ARHGAP8: variants seen among roughly 807,000 people sequenced by gnomAD.
ARHGAP8 encodes the protein Rho GTPase activating protein 8.
Under a neutral mutation model 46.1 loss-of-function variants are expected in ARHGAP8, and 62 were observed. The ratio of observed to expected loss-of-function variants is 1.34; its 90% CI spans 1.10 to 1.66. The LOEUF (loss-of-function observed/expected upper bound fraction) is 1.66. Among genes scored for constraint, ARHGAP8 ranks in the 40% most tolerant of loss-of-function variants. The probability of loss-of-function intolerance (pLI) is 0.00; values close to 1 mark genes in which losing one functional copy is unlikely to be tolerated. For missense variants in ARHGAP8, 923 were observed against 568.4 expected, an observed-to-expected ratio of 1.62 and a Z score of -6.34; for synonymous variants, 375 against 243.1, an observed-to-expected ratio of 1.54 and a Z score of -5.05.
chr22:44,758,315 G>A (rs867741065), intron 1 of ARHGAP8, among the ~76,000 whole-genome samples: 14 of 152,208 alleles, frequency 9.2e-5, no homozygotes, highest in African/African-American at 2.6e-4. Context: ...CCAGCTACTC[G>A]GGAGGCTGAG....
chr22:44,799,737 G>A (rs1344785867), intron 2 of ARHGAP8, among the ~76,000 whole-genome samples: 1 of 151,446 alleles, frequency 6.6e-6, no homozygotes, highest in African/African-American at 2.4e-5. Flanking sequence ...AGAAGCTGTG[G>A]GTTCTGGGAA....
intron 1 of ARHGAP8, among the ~76,000 whole-genome samples, chr22:44,782,339 A>C (rs1322340659): frequency 3.3e-5 from 5 of 152,238 alleles, no homozygotes. Flanking sequence ...TCCATCTCAA[A>C]AAATAAAAAA....
rs558112354 is a variant in ARHGAP8 at position 44,860,234 on chromosome 22, CACGTACATTA to C, written c.981+402_981+411del. On this transcript the variant is annotated intron_variant, in intron 11 of 11. Coordinates refer to ENST00000356099, the MANE Select transcript of ARHGAP8 (RefSeq NM_181335.3). ...CCTGGGGAAGGGATACACCCAGAAC[CACGTACATTA>C]AGTTCCTGTGACTGCATCGTGGGTG... 1.7e-3 allele frequency among the ~76,000 whole-genome samples: 261 copies of C among 152,250 alleles called. 2 individuals carry two copies. Among genetic ancestry groups the C allele is most frequent in the African/African-American group, 6.1e-3 (252 of 41,542 alleles).
intron 4 of ARHGAP8, 128 bp downstream of exon 4, chr22:44,808,566 A>G: frequency 6.7e-7 from 1 of 1,501,048 alleles, no homozygotes; most frequent in Non-Finnish European, 8.9e-7. Context: ...GTGGAGGGTG[A>G]GCAAATGTGG....
At chr22:44,800,420 A>G (rs922448154) in intron 2 of ARHGAP8, among the ~76,000 whole-genome samples, 1 of 151,992 alleles carries the variant, frequency 6.6e-6, no homozygotes, top group Non-Finnish European at 1.5e-5. Context: ...CTGTCTTTTT[A>G]TCTCACTAAG....
At chr22:44,791,675 G>C (rs1927699915) in intron 2 of ARHGAP8, among the ~76,000 whole-genome samples, 1 of 152,146 alleles carries the variant, frequency 6.6e-6, no homozygotes, top group Admixed American at 6.6e-5. Context: ...TTGCACTCCA[G>C]CCTGGGTAAT....
chr22:44,862,346 C>G lies in ARHGAP8; in HGVS notation c.1053C>G (p.Ile351Met). The change falls in exon 12 of 12, where the codon ATC becomes ATG. Residue 351 changes from isoleucine to methionine, a missense_variant. Coordinates refer to ENST00000356099, the MANE Select transcript of ARHGAP8 (RefSeq NM_181335.3). ...NLACVFGLNL[I>M]WPSQGVSSLS... ...CCTGTGTCTTCGGGCTGAATTTGAT[C>G]TGGCCATCCCAGGGGGTCTCCTCCC... 1.2e-6 allele frequency: 2 copies of G among 1,614,080 alleles called. No homozygotes were observed. Among genetic ancestry groups the G allele is most frequent in the Non-Finnish European group, 1.7e-6 (2 of 1,179,948 alleles).
intron 9 of ARHGAP8, 21 bp downstream of exon 9, chr22:44,848,071 T>G (rs1254884644): frequency 3.7e-6 from 6 of 1,603,464 alleles, no homozygotes. Context: ...CCCGCAGTCC[T>G]GAGCCCCGAG....
At chr22:44,861,610 G>GT (rs2070489369) in intron 11 of ARHGAP8, among the ~76,000 whole-genome samples, 1 of 152,174 alleles carries the variant, frequency 6.6e-6, no homozygotes, top group Non-Finnish European at 1.5e-5. Flanking sequence ...TCTGACTGAG[G>GT]TTCCCCCCAG....
chr22:44,820,544 T>C (rs1161723593), intron 5 of ARHGAP8, among the ~76,000 whole-genome samples: 1 of 151,950 alleles, frequency 6.6e-6, no homozygotes, highest in Admixed American at 6.5e-5. Flanking sequence ...GGGCAGGCGG[T>C]GAGGACACTC....
At chr22:44,857,051 T>C (rs1196122393) in intron 10 of ARHGAP8, among the ~76,000 whole-genome samples, 1 of 142,230 alleles carries the variant, frequency 7.0e-6, no homozygotes, top group Non-Finnish European at 1.5e-5. Context: ...AATGACTCTG[T>C]TGCCTCAGCC....
At chr22:44,775,011 T>A (rs1926320777) in intron 1 of ARHGAP8, among the ~76,000 whole-genome samples, 1 of 152,010 alleles carries the variant, frequency 6.6e-6, no homozygotes. Flanking sequence ...TTTGTATTTT[T>A]AGTAGAGACA....
intron 3 of ARHGAP8, among the ~76,000 whole-genome samples, chr22:44,802,772 T>C (rs1482936700): frequency 6.6e-6 from 1 of 152,142 alleles, no homozygotes; most frequent in Non-Finnish European, 1.5e-5. Flanking sequence ...ACCTCATTCC[T>C]ATCTCTGCCT....
At chr22:44,847,943 G>C (rs1355358088) in intron 8 of ARHGAP8, 30 bp from the exon 9 acceptor site, 1 of 1,604,438 alleles carries the variant, frequency 6.2e-7, no homozygotes, top group East Asian at 2.2e-5. Context: ...GCTGGGACCT[G>C]TGAGATGCCT....
At chr22:44,788,778 G>A (rs578000814) in intron 2 of ARHGAP8, among the ~76,000 whole-genome samples, 2 of 152,218 alleles carry the variant, frequency 1.3e-5, no homozygotes, top group South Asian at 2.1e-4. Context: ...GATACAATCC[G>A]CTTAAAAAGA....
In ARHGAP8 at chr22:44,862,331, C is replaced by T. The variant is rs199552344; in HGVS notation, c.1038C>T (p.Phe346=). Residue 346 remains phenylalanine (F), a synonymous_variant, in exon 12 of 12, where the codon TTC becomes TTT. Transcript: ENST00000356099. ...ACAGCTCTAACCTGGCCTGTGTCTT[C>T]GGGCTGAATTTGATCTGGCCATCCC... ...KMNSSNLACV[F]GLNLIWPSQG... is the part of the protein sequence containing the mutation. 4.8e-5 allele frequency: 78 copies of T among 1,613,698 alleles called. No individual in the cohort carries two copies. The East Asian group carries it at 5.8e-4, about 12-fold the overall frequency.
At chr22:44,838,140 A>ATTTTTTCTTTTTTTTTT (rs1931411389) in intron 7 of ARHGAP8, among the ~76,000 whole-genome samples, 1 of 143,502 alleles carries the variant, frequency 7.0e-6, no homozygotes, top group African/African-American at 2.6e-5. Flanking sequence ...TGCCTGGCTA[A>ATTTTTTCTTTTTTTTTT]TTTTTTTTTT....
rs556905598 is a variant in ARHGAP8, at chr22:44,795,063, G to A, written c.80-7014G>A. Among the ~76,000 whole-genome samples the A allele has an allele frequency of 1.4e-4, 21 of 146,838 alleles. No individual in the cohort carries two copies. In the East Asian group the frequency reaches 1.6e-3, roughly 11 times the overall value. On this transcript the variant is annotated intron_variant, in intron 2 of 11. Coordinates refer to ENST00000356099, the MANE Select transcript of ARHGAP8 (RefSeq NM_181335.3). ...CTCAAAAAAAAAAAAAACAAAAAACGAAATCTGTTGGTATGAAAACAAAAT... is the reference window on the plus strand; with the variant it reads ...CTCAAAAAAAAAAAAAACAAAAAACAAAATCTGTTGGTATGAAAACAAAAT...
intron 1 of ARHGAP8, among the ~76,000 whole-genome samples, chr22:44,754,804 A>C (rs1192898668): frequency 6.6e-6 from 1 of 152,158 alleles, no homozygotes; most frequent in East Asian, 1.9e-4. Context: ...AGACGAGAGC[A>C]AGGAACTCAG....
Sources: allele counts gnomAD v4.1 joint callset (sites outside exome capture counted in the v4.1 genomes callset), GRCh38; gene constraint gnomAD v4.1.1; transcripts MANE v1.5; gene names NCBI Gene and HGNC (gene_info 2026-07-23, HGNC 2026-07-21).